PSMB1: variants seen among roughly 807,000 people sequenced by gnomAD.
PSMB1 encodes the protein proteasome subunit beta type-1.
In PSMB1, 7 loss-of-function variants were observed where a neutral mutation model predicts 25.4. The observed-to-expected ratio is 0.28, with a 90% CI of 0.16 to 0.52. The LOEUF (loss-of-function observed/expected upper bound fraction) is 0.52. Ranked by LOEUF, PSMB1 falls within the 20% of genes least tolerant of loss-of-function variation. The pLI, the probability that PSMB1 is intolerant of heterozygous loss-of-function variation, is 0.97. For missense variants in PSMB1, 284 were observed against 302.2 expected (o/e 0.94, Z 0.45); for synonymous variants, 119 against 115.0 (o/e 1.03, Z -0.22).
chr6:170,549,497 G>A (rs1778864764), intron 1 of PSMB1: 1 of 161,478 alleles, frequency 6.2e-6, no homozygotes, highest in African/African-American at 2.4e-5. Context: ...TGAGTTTAGA[G>A]AAGATGAGAT....
At chr6:170,552,015 C>G (rs1412267082) in intron 1 of PSMB1, among the ~76,000 whole-genome samples, 1 of 152,246 alleles carries the variant, frequency 6.6e-6, no homozygotes, top group Admixed American at 6.5e-5. Context: ...CTTTCTAACA[C>G]ACTCCCAAAA....
rs779174676 is a variant in PSMB1, at chr6:170,546,096, C to T, written c.303+7G>A. The T allele has an allele frequency of 6.2e-7, 1 of 1,608,206 alleles. No homozygotes were observed. Among genetic ancestry groups the T allele is most frequent in the Admixed American group, 1.7e-5 (1 of 59,888 alleles). The stretch of plus-strand genomic sequence containing the variant: ...AAAATAGTGTAGAAATGTACAAAAG[C>T]ATCTACCTTTAGTCTTGCTTCAATA... On this transcript the variant is annotated splice_region_variant and intron_variant, in intron 3 of 5. Coordinates refer to ENST00000262193, the MANE Select transcript of PSMB1 (RefSeq NM_002793.4).
At position 170,539,802 on chromosome 6, in the gene PSMB1, G is replaced by A. The variant is rs531215713; in HGVS notation, c.434-2462C>T. ...TATGTACAAGGATGTTCATCATAGT[G>A]TTTATATTAAGAAAACAGGAAGCCA... is the stretch of plus-strand genomic sequence containing the variant. On this transcript the variant is annotated intron_variant, in intron 4 of 5. Transcript: ENST00000262193. 8.5e-4 allele frequency among the ~76,000 whole-genome samples: 129 copies of A among 152,238 alleles called. No homozygotes were observed. In the South Asian group the frequency reaches 0.012, roughly 14 times the overall value.
chr6:170,541,310 A>C (rs1424940849), intron 4 of PSMB1, among the ~76,000 whole-genome samples: 1 of 152,248 alleles, frequency 6.6e-6, no homozygotes, highest in African/African-American at 2.4e-5. Flanking sequence ...TAGTTAACTT[A>C]AGAAAAAAAT....
At chr6:170,541,148 T>C (rs1778754989) in intron 4 of PSMB1, among the ~76,000 whole-genome samples, 1 of 151,876 alleles carries the variant, frequency 6.6e-6, no homozygotes, top group Non-Finnish European at 1.5e-5. Context: ...GAACACAGGA[T>C]GTGGGGGAAT....
At chr6:170,549,368 T>C (rs983632083) in intron 1 of PSMB1, 3 of 427,388 alleles carry the variant, frequency 7.0e-6, no homozygotes, top group African/African-American at 2.0e-5. Flanking sequence ...CAATGAATTA[T>C]CATCACCAAC....
intron 3 of PSMB1, among the ~76,000 whole-genome samples, chr6:170,544,013 T>C (rs1408877573): frequency 1.3e-5 from 2 of 152,184 alleles, no homozygotes; most frequent in African/African-American, 4.8e-5. Context: ...GCACATGAAG[T>C]GGCCTAAGGA....
intron 1 of PSMB1, among the ~76,000 whole-genome samples, chr6:170,552,689 A>C (rs1778926148): frequency 6.6e-6 from 1 of 152,218 alleles, no homozygotes; most frequent in Non-Finnish European, 1.5e-5. Flanking sequence ...ACACAGACCA[A>C]ACAACCCTAA....
chr6:170,540,047 T>G (rs1778739099), intron 4 of PSMB1, among the ~76,000 whole-genome samples: 1 of 152,096 alleles, frequency 6.6e-6, no homozygotes, highest in Non-Finnish European at 1.5e-5. Flanking sequence ...CTGATTGTTT[T>G]CACTACAGAA....
intron 2 of PSMB1, among the ~76,000 whole-genome samples, chr6:170,547,482 C>T (rs1323451988): frequency 1.3e-5 from 2 of 152,210 alleles, no homozygotes; most frequent in South Asian, 2.1e-4. Flanking sequence ...TGGAAACTTA[C>T]GAATGACTCG....
chr6:170,536,133 T>C (rs772736713), intron 5 of PSMB1, among the ~76,000 whole-genome samples: 3 of 152,180 alleles, frequency 2.0e-5, no homozygotes, highest in Non-Finnish European at 4.4e-5. Flanking sequence ...TCAGGCCCAC[T>C]GACACATAAA....
At chr6:170,551,442 T>C (rs1439667883) in intron 1 of PSMB1, among the ~76,000 whole-genome samples, 1 of 152,136 alleles carries the variant, frequency 6.6e-6, no homozygotes, top group Admixed American at 6.5e-5. Flanking sequence ...GAAGGCTGCC[T>C]GAGAGCCAGC....
At position 170,543,691 on chromosome 6, in the gene PSMB1, C is replaced by A. The variant is rs150022208; in HGVS notation, c.343G>T (p.Ala115Ser). The stretch of plus-strand genomic sequence containing the variant: ...ATTGTAGACAGCATTGCAGCAATTG[C>A]CCCCGTAGTCATGGCCTTATTATTG... ...HSNNKAMTTG[A>S]IAAMLSTILY... Residue 115 changes from alanine (A) to serine (S), a missense_variant, in exon 4 of 6, where the codon GCA becomes TCA. Physicochemically the swap from Ala to Ser is moderately conservative, Grantham distance 99 (BLOSUM62 1). Coordinates refer to ENST00000262193, the MANE Select transcript of PSMB1 (RefSeq NM_002793.4). 2 of 1,611,846 alleles carry A rather than the reference C, an allele frequency of 1.2e-6. No individual in the cohort carries two copies. The highest frequency in any genetic ancestry group is 4.5e-5 in the East Asian group (2 of 44,838).
At chr6:170,536,799 T>A (rs1399673311) in intron 5 of PSMB1, among the ~76,000 whole-genome samples, 1 of 152,200 alleles carries the variant, frequency 6.6e-6, no homozygotes, top group Non-Finnish European at 1.5e-5. Flanking sequence ...ATGTGGATTT[T>A]CCAGTGCTCG....
chr6:170,540,674 T>C (rs1778748793), intron 4 of PSMB1, among the ~76,000 whole-genome samples: 1 of 124,212 alleles, frequency 8.1e-6, no homozygotes, highest in African/African-American at 3.1e-5. Flanking sequence ...ACACATAACA[T>C]GAAAAAAAAA....
At chr6:170,536,843 G>A (rs1778700261) in intron 5 of PSMB1, among the ~76,000 whole-genome samples, 1 of 152,096 alleles carries the variant, frequency 6.6e-6, no homozygotes, top group Non-Finnish European at 1.5e-5. Flanking sequence ...TGTTGTTCAA[G>A]GCTCAACTGT....
Position 170,543,634 on chromosome 6 carries a change from C to G in PSMB1, c.400G>C (p.Val134Leu). Residue 134 changes from valine (V) to leucine (L), a missense_variant, in exon 4 of 6, where the codon GTT becomes CTT. Transcript: ENST00000262193. ...LYSRRFFPYY[V>L]YNIIGGLDEE... is the part of the protein sequence containing the mutation. ...TCAAGTCCACCGATGATGTTGTAAA[C>G]ATAGTATGGAAAGAAGCGCCTTGAA... The G allele has an allele frequency of 6.2e-7, 1 of 1,611,926 alleles. No individual in the cohort carries two copies. The highest frequency in any genetic ancestry group is 1.1e-5 in the South Asian group (1 of 90,936).
At chr6:170,547,418 A>G (rs1778832613) in intron 2 of PSMB1, among the ~76,000 whole-genome samples, 1 of 152,252 alleles carries the variant, frequency 6.6e-6, no homozygotes, top group Non-Finnish European at 1.5e-5. Flanking sequence ...AGATCTTGAT[A>G]TGAATCTATA....
intron 5 of PSMB1, chr6:170,536,561 TG>T: frequency 2.2e-6 from 1 of 447,274 alleles, no homozygotes; most frequent in Non-Finnish European, 4.5e-6. Context: ...TGATTCTCCT[TG>T]TAAACAGATG....
Sources: gnomAD v4.1 joint callset for allele counts (sites outside exome capture counted in the v4.1 genomes callset) on GRCh38, gnomAD v4.1.1 for gene constraint, MANE v1.5 for transcripts, NCBI Gene and HGNC (gene_info 2026-07-23, HGNC 2026-07-21) for gene names.